KANK1: variants seen among roughly 807,000 people sequenced by gnomAD.
KANK1 encodes the protein KN motif and ankyrin repeat domain-containing protein 1.
A neutral mutation model predicts 106.2 loss-of-function variants in KANK1; 109 were observed. The observed-to-expected ratio is 1.03, with a 90% CI of 0.88 to 1.20. KANK1 has a LOEUF of 1.20. Among genes scored for constraint, KANK1 ranks in the 50% most tolerant of loss-of-function variants. The probability of loss-of-function intolerance (pLI) is 0.00; values close to 1 mark genes in which losing one functional copy is unlikely to be tolerated. For missense variants in KANK1, 2,399 were observed against 1,710.7 expected (o/e 1.40, Z -7.10); for synonymous variants, 873 against 652.2 (o/e 1.34, Z -5.16).
chr9:688,299 T>G (rs990431035), intron 2 of KANK1, among the ~76,000 whole-genome samples: 6 of 152,206 alleles, frequency 3.9e-5, no homozygotes, highest in Non-Finnish European at 7.3e-5. Context: ...TCACTTGCTC[T>G]AAGGCAGGCT....
At chr9:656,057 CT>C in intron 1 of KANK1, among the ~76,000 whole-genome samples, 1 of 152,196 alleles carries the variant, frequency 6.6e-6, no homozygotes, top group Non-Finnish European at 1.5e-5. Context: ...GTTGCAGGAG[CT>C]AGTCACTTTT....
intron 1 of KANK1, among the ~76,000 whole-genome samples, chr9:559,296 C>G (rs918766090): frequency 1.3e-5 from 2 of 151,908 alleles, no homozygotes; most frequent in African/African-American, 4.8e-5. Flanking sequence ...TATTTTTGTG[C>G]ATTGAAGGTT....
At chr9:698,142 A>G (rs1821772966) in intron 2 of KANK1, among the ~76,000 whole-genome samples, 1 of 152,112 alleles carries the variant, frequency 6.6e-6, no homozygotes, top group Non-Finnish European at 1.5e-5. Context: ...GCGGGTGGAT[A>G]GGTACACAAA....
At chr9:479,866 A>G (rs1202433504) in intron 3 of KANK1, among the ~76,000 whole-genome samples, 1 of 151,692 alleles carries the variant, frequency 6.6e-6, no homozygotes, top group African/African-American at 2.4e-5. Context: ...TTGCAAGAAA[A>G]TAACTGAGCC....
intron 2 of KANK1, among the ~76,000 whole-genome samples, chr9:689,556 G>A (rs778289693): frequency 2.0e-5 from 3 of 150,348 alleles, no homozygotes; most frequent in Non-Finnish European, 4.4e-5. Context: ...GAGGAGGAAT[G>A]GAAAAGCAGG....
intron 11 of KANK1, chr9:744,931 C>G: frequency 7.0e-7 from 1 of 1,431,540 alleles, no homozygotes. Context: ...TGGCAGGCAG[C>G]CTGTAGTCCA....
chr9:722,156 T>G (rs1384830522), intron 3 of KANK1, among the ~76,000 whole-genome samples: 1 of 152,256 alleles, frequency 6.6e-6, no homozygotes, highest in Non-Finnish European at 1.5e-5. Flanking sequence ...AATTTAACCT[T>G]AAAGCAAGGA....
intron 1 of KANK1, among the ~76,000 whole-genome samples, chr9:662,703 C>T (rs1843618625): frequency 6.8e-6 from 1 of 146,422 alleles, no homozygotes; most frequent in South Asian, 2.1e-4. Flanking sequence ...GCTCTGTCAC[C>T]CAGGCTGGAG....
intron 2 of KANK1, among the ~76,000 whole-genome samples, chr9:683,633 G>T (rs2025308): frequency 1 from 151,575 of 152,336 alleles, 75,415 homozygotes; most frequent in East Asian, 1. Context: ...AAAGGATGTA[G>T]TTCAGAAAAC....
chr9:606,720 T>G (rs1829295780), intron 1 of KANK1, among the ~76,000 whole-genome samples: 1 of 151,434 alleles, frequency 6.6e-6, no homozygotes, highest in South Asian at 2.1e-4. Context: ...CAAAGGAAGA[T>G]TAAAGCTTTT....
At chr9:566,662 T>A (rs984390040) in intron 1 of KANK1, among the ~76,000 whole-genome samples, 2 of 152,222 alleles carry the variant, frequency 1.3e-5, no homozygotes, top group Non-Finnish European at 2.9e-5. Context: ...TGTCTTCTTT[T>A]GAAAGGTGTC....
intron 2 of KANK1, among the ~76,000 whole-genome samples, chr9:688,044 G>T (rs1290861918): frequency 1.3e-5 from 2 of 152,132 alleles, no homozygotes; most frequent in African/African-American, 4.8e-5. Context: ...CAAAAATCAG[G>T]CCCAGCACCT....
intron 1 of KANK1, among the ~76,000 whole-genome samples, chr9:663,859 G>T (rs1397981147): frequency 6.6e-6 from 1 of 152,148 alleles, no homozygotes; most frequent in African/African-American, 2.4e-5. Context: ...TCATGATGTA[G>T]AATGGATGAG....
intron 2 of KANK1, among the ~76,000 whole-genome samples, chr9:683,777 C>A (rs1173079517): frequency 6.6e-6 from 1 of 152,126 alleles, no homozygotes; most frequent in Admixed American, 6.5e-5. Flanking sequence ...TTATTTATTG[C>A]ATCATACAGC....
At chr9:713,525 G>GCT in intron 3 of KANK1, 61 bp downstream of exon 3, 1 of 1,497,816 alleles carries the variant, frequency 6.7e-7, no homozygotes, top group South Asian at 1.4e-5. Flanking sequence ...CTTTCCAGAA[G>GCT]CTAAGGATTA....
At chr9:491,276 T>TA (rs2058373572) in intron 3 of KANK1, among the ~76,000 whole-genome samples, 1 of 134,458 alleles carries the variant, frequency 7.4e-6, no homozygotes, top group Non-Finnish European at 1.7e-5. Flanking sequence ...GTGCATTTTC[T>TA]TTTTTTTTTT....
chr9:714,240 G>A (rs1292170465), intron 3 of KANK1, among the ~76,000 whole-genome samples: 1 of 152,096 alleles, frequency 6.6e-6, no homozygotes, highest in Non-Finnish European at 1.5e-5. Context: ...CATGTCAGGA[G>A]GCGATAAATA....
upstream of KANK1, among the ~76,000 whole-genome samples, chr9:504,079 G>C (rs1447415693): frequency 6.6e-6 from 1 of 152,116 alleles, no homozygotes; most frequent in Non-Finnish European, 1.5e-5. Context: ...GCAGGAAACA[G>C]AGCTCTGCAC....
rs533780256 is a variant in KANK1 at position 676,827 on chromosome 9, T to C, written c.-83-63T>C. 233 of 599,974 alleles carry C rather than the reference T, an allele frequency of 3.9e-4. No homozygotes were observed. The South Asian group carries it at 4.4e-3, about 11-fold the overall frequency. The allele number at this position is 599,974 out of a possible 1,614,324, so 37.2% of individuals were successfully genotyped here. ...GCAGTCATCTTTGTAAACAGAAGTCTAAGATTTAGTTTGTACATTTTTTAA... is the reference window on the plus strand; with the variant it reads ...GCAGTCATCTTTGTAAACAGAAGTCCAAGATTTAGTTTGTACATTTTTTAA... On this transcript the variant is annotated intron_variant, in intron 1 of 11. Transcript: ENST00000382297.
Sources: gnomAD v4.1 joint callset for allele counts (sites outside exome capture counted in the v4.1 genomes callset) on GRCh38, gnomAD v4.1.1 for gene constraint, MANE v1.5 for transcripts, NCBI Gene and HGNC (gene_info 2026-07-23, HGNC 2026-07-21) for gene names.